LARGE1: variants seen among roughly 807,000 people sequenced by gnomAD.
The protein encoded by LARGE1 is LARGE xylosyl- and glucuronyltransferase 1.
LARGE1 carries 43 observed loss-of-function variants against 87.6 expected under a neutral mutation model. That is an observed-to-expected ratio of 0.49 (90% CI 0.38 to 0.63). LARGE1 has a LOEUF of 0.63. Among genes scored for constraint, LARGE1 ranks in the 30% least tolerant of loss-of-function variants. The pLI is 0.00. For synonymous variants in LARGE1, 434 were observed against 394.6 expected (o/e 1.10, Z -1.18); for missense variants, 802 against 1,000.2 (o/e 0.80, Z 2.67).
chr22:33,085,285 T>A, the LARGE1 span, among the ~76,000 whole-genome samples: 3 of 152,114 alleles, frequency 2.0e-5, no homozygotes, highest in African/African-American at 7.2e-5. Context: ...CAAAGAAAAA[T>A]AAAAAAATAA....
intron 11 of LARGE1, among the ~76,000 whole-genome samples, chr22:33,241,644 ATG>A (rs1196282251): frequency 2.0e-5 from 3 of 151,698 alleles, no homozygotes; most frequent in African/African-American, 7.3e-5. Context: ...ATGTATATAT[ATG>A]TGTGTGTATA....
At chr22:33,155,081 G>A in the LARGE1 span, among the ~76,000 whole-genome samples, 1 of 152,140 alleles carries the variant, frequency 6.6e-6, no homozygotes, top group Non-Finnish European at 1.5e-5. Flanking sequence ...TCTTTCTTTT[G>A]TAAATGGCCC....
chr22:33,607,264 C>A (rs763650591), intron 4 of LARGE1, among the ~76,000 whole-genome samples: 1 of 151,942 alleles, frequency 6.6e-6, no homozygotes, highest in Admixed American at 6.6e-5. Flanking sequence ...GAGTTTGAGT[C>A]CAGCCTGACC....
chr22:33,647,761 T>C (rs1269515838), intron 3 of LARGE1, among the ~76,000 whole-genome samples: 1 of 138,734 alleles, frequency 7.2e-6, no homozygotes, highest in Non-Finnish European at 1.5e-5. Flanking sequence ...AGGAACTTGA[T>C]TTTTTTTTTC....
chr22:33,104,935 C>CT, the LARGE1 span, among the ~76,000 whole-genome samples: 1 of 141,116 alleles, frequency 7.1e-6, no homozygotes, highest in Admixed American at 7.2e-5. Context: ...TTCTTTCTTT[C>CT]TTTCTTTCTT....
Position 33,874,095 on chromosome 22 carries a change from TA to T in LARGE1, c.-83+45899del, listed in dbSNP as rs2064390058. ...GAACTTAAATAAGAAAATGGTACAT[TA>T]TTTCCACAGGCCGCTTTTTGCATCC... On this transcript the variant is annotated intron_variant, in intron 1 of 14. Transcript: ENST00000397394. Among the ~76,000 whole-genome samples, 16 of 152,220 alleles carry T rather than the reference TA, an allele frequency of 1.1e-4. No individual in the cohort carries two copies. The South Asian group carries it at 3.3e-3, about 32-fold the overall frequency.
chr22:33,871,225 C>A (rs1368172356), intron 1 of LARGE1, among the ~76,000 whole-genome samples: 1 of 152,186 alleles, frequency 6.6e-6, no homozygotes, highest in Non-Finnish European at 1.5e-5. Flanking sequence ...TTAAGGCTGA[C>A]CCAGGTCTAT....
At chr22:33,749,050 A>AATG (rs2084211296) in intron 2 of LARGE1, among the ~76,000 whole-genome samples, 1 of 152,256 alleles carries the variant, frequency 6.6e-6, no homozygotes, top group Non-Finnish European at 1.5e-5. Context: ...AGATTTGTTA[A>AATG]ATGACCACTG....
rs533420096 is a variant in LARGE1, at chr22:33,773,474, T to G, written c.-82-11916A>C. On this transcript the variant is annotated intron_variant, in intron 1 of 14. Coordinates refer to ENST00000397394, the MANE Select transcript of LARGE1 (RefSeq NM_133642.5). Reference sequence around the variant, plus strand: ...TTCAGAACCACTGTGGTGTCACAGATCGGGGCAGTGGCCCCCTGAGGCATC... The same window carrying G: ...TTCAGAACCACTGTGGTGTCACAGAGCGGGGCAGTGGCCCCCTGAGGCATC... Among the ~76,000 whole-genome samples the G allele has an allele frequency of 2.2e-5, 3 of 139,388 alleles. No homozygotes were observed. The South Asian group carries it at 6.9e-4, about 32-fold the overall frequency. The allele number at this position is 139,388 out of a possible 152,430, so 91.4% of individuals were successfully genotyped here. A position where few individuals can be genotyped will look rare whatever the true frequency, so the allele number is the denominator to read the frequency against.
intron 11 of LARGE1, among the ~76,000 whole-genome samples, chr22:33,265,776 A>G (rs1032412845): frequency 6.6e-6 from 1 of 152,250 alleles, no homozygotes; most frequent in African/African-American, 2.4e-5. Context: ...AATGCCAGAC[A>G]CGCTGTTAAG....
At chr22:33,840,294 C>A (rs2063241066) in intron 1 of LARGE1, among the ~76,000 whole-genome samples, 1 of 152,138 alleles carries the variant, frequency 6.6e-6, no homozygotes, top group Admixed American at 6.5e-5. Context: ...TAAAAAGGGA[C>A]CTAGTTTTTA....
chr22:33,308,849 A>G (rs983412737), intron 11 of LARGE1, among the ~76,000 whole-genome samples: 8 of 152,222 alleles, frequency 5.3e-5, no homozygotes, highest in Admixed American at 2.0e-4. Flanking sequence ...TTTGTGAAAC[A>G]GTAACATTTA....
chr22:33,346,659 CAT>C (rs1325529652), intron 9 of LARGE1, among the ~76,000 whole-genome samples: 4 of 152,154 alleles, frequency 2.6e-5, no homozygotes, highest in Non-Finnish European at 5.9e-5. Flanking sequence ...CTCAAATGCA[CAT>C]GTTCTGCAAA....
intron 6 of LARGE1, among the ~76,000 whole-genome samples, chr22:33,443,753 T>C (rs1217225076): frequency 1.3e-5 from 2 of 152,240 alleles, no homozygotes; most frequent in Non-Finnish European, 2.9e-5. Context: ...TCTGAAATAA[T>C]GATTTTTCTC....
At chr22:33,611,822 G>A (rs2079437654) in intron 4 of LARGE1, among the ~76,000 whole-genome samples, 1 of 152,200 alleles carries the variant, frequency 6.6e-6, no homozygotes, top group African/African-American at 2.4e-5. Flanking sequence ...AAGATGTCTG[G>A]GTTATGGGGG....
chr22:33,648,302 GGAAGA>G (rs1429053269), intron 3 of LARGE1, among the ~76,000 whole-genome samples: 3 of 152,192 alleles, frequency 2.0e-5, no homozygotes, highest in Non-Finnish European at 2.9e-5. Context: ...GATTACAGAA[GGAAGA>G]GAAATGTCCC....
At chr22:33,858,157 G>C (rs1418375350) in intron 1 of LARGE1, among the ~76,000 whole-genome samples, 1 of 152,320 alleles carries the variant, frequency 6.6e-6, no homozygotes, top group East Asian at 1.9e-4. Context: ...ACCCAGGCAC[G>C]TAGCTGTGCA....
At chr22:33,900,920 G>A (rs1046238732) in intron 1 of LARGE1, among the ~76,000 whole-genome samples, 1 of 152,248 alleles carries the variant, frequency 6.6e-6, no homozygotes, top group East Asian at 1.9e-4. Context: ...GGTGACACAC[G>A]CCTGTAATCC....
chr22:33,906,992 C>A (rs932560807), intron 1 of LARGE1, among the ~76,000 whole-genome samples: 7 of 151,742 alleles, frequency 4.6e-5, no homozygotes, highest in Non-Finnish European at 1.0e-4. Context: ...ATAGATAATT[C>A]CAAGCAGAAG....
Sources: gnomAD v4.1 joint callset for allele counts (sites outside exome capture counted in the v4.1 genomes callset) on GRCh38, gnomAD v4.1.1 for gene constraint, MANE v1.5 for transcripts, NCBI Gene and HGNC (gene_info 2026-07-23, HGNC 2026-07-21) for gene names.